The following COP1 variants were observed in gnomAD, a reference collection of about 807,000 sequenced individuals.
COP1 encodes the protein COP1 E3 ubiquitin ligase.
A neutral mutation model predicts 101.3 loss-of-function variants in COP1; 24 were observed. The ratio of observed to expected loss-of-function variants is 0.24; its 90% confidence interval spans 0.17 to 0.33. COP1 has a LOEUF of 0.33. COP1 is among the 10% of genes least tolerant of loss of function. COP1 has a pLI of 1.00. For missense variants in COP1, 663 were observed against 906.2 expected, an observed-to-expected ratio of 0.73 and a Z score of 3.45; for synonymous variants, 347 against 341.9, an observed-to-expected ratio of 1.01 and a Z score of -0.17.
At chr1:176,003,423 C>T (rs918798707) in intron 15 of COP1, among the ~76,000 whole-genome samples, 2 of 151,896 alleles carry the variant, frequency 1.3e-5, no homozygotes, top group African/African-American at 2.4e-5. Context: ...GAAGTCCTTG[C>T]CCATGCCTAT....
intron 9 of COP1, among the ~76,000 whole-genome samples, chr1:176,109,948 G>A (rs964035860): frequency 6.6e-6 from 1 of 152,064 alleles, no homozygotes; most frequent in African/African-American, 2.4e-5. Flanking sequence ...GACTATGAAT[G>A]TTTAGTACAA....
Position 176,045,012 on chromosome 1 carries a change from C to A in COP1, c.1421+1169G>T, listed in dbSNP as rs1671265754. Among the ~76,000 whole-genome samples the A allele has an allele frequency of 2.0e-5, 3 of 152,144 alleles. No individual in the cohort carries two copies. In the South Asian group the frequency reaches 6.2e-4, roughly 32 times the overall value. On this transcript the variant is annotated intron_variant, in intron 12 of 19. Coordinates refer to ENST00000367669, the MANE Select transcript of COP1 (RefSeq NM_022457.7). ...ATTAAATAAGTATTACTATTGTGAC[C>A]TCCATTTTATAAATAAGGAGCAGGA...
At chr1:176,189,286 C>A (rs904672728) in intron 1 of COP1, among the ~76,000 whole-genome samples, 1 of 151,946 alleles carries the variant, frequency 6.6e-6, no homozygotes, top group Non-Finnish European at 1.5e-5. Context: ...GCATTTATTT[C>A]TTTCAGTCCA....
chr1:176,070,125 ATC>A (rs368508535), intron 11 of COP1, among the ~76,000 whole-genome samples: 1 of 152,178 alleles, frequency 6.6e-6, no homozygotes, highest in East Asian at 1.9e-4. Flanking sequence ...CAGTATCCCC[ATC>A]TCTGTAAATG....
intron 11 of COP1, among the ~76,000 whole-genome samples, chr1:176,078,597 C>G (rs563659753): frequency 2.6e-4 from 38 of 146,518 alleles, no homozygotes; most frequent in African/African-American, 8.9e-4. Flanking sequence ...TAATTTATGG[C>G]TAAGTCTTCA....
chr1:175,966,563 T>C (rs1652064215), intron 18 of COP1, among the ~76,000 whole-genome samples: 1 of 152,136 alleles, frequency 6.6e-6, no homozygotes. Flanking sequence ...AATATACCAA[T>C]GCTGATCTGT....
chr1:176,037,119 T>C (rs1431058238), intron 14 of COP1, among the ~76,000 whole-genome samples: 1 of 152,096 alleles, frequency 6.6e-6, no homozygotes, highest in Non-Finnish European at 1.5e-5. Context: ...AACAAAAGAA[T>C]AGGCCAGGCG....
chr1:176,100,219 G>C, intron 9 of COP1: 1 of 222,794 alleles, frequency 4.5e-6, no homozygotes, highest in Non-Finnish European at 9.5e-6. Context: ...GTGAAACCCC[G>C]TCTTTACTAA....
At chr1:176,002,053 A>C (rs954705328) in intron 15 of COP1, among the ~76,000 whole-genome samples, 1 of 152,088 alleles carries the variant, frequency 6.6e-6, no homozygotes, top group Non-Finnish European at 1.5e-5. Flanking sequence ...CAAGAGTTTC[A>C]ATATGATGAG....
chr1:175,956,669 C>T (rs772510984), intron 18 of COP1, among the ~76,000 whole-genome samples: 9 of 152,120 alleles, frequency 5.9e-5, no homozygotes, highest in Non-Finnish European at 1.0e-4. Context: ...TCATGCACTG[C>T]ACAATGACAT....
intron 18 of COP1, among the ~76,000 whole-genome samples, chr1:175,966,309 A>G (rs992686006): frequency 2.0e-5 from 3 of 150,838 alleles, no homozygotes; most frequent in African/African-American, 7.3e-5. Flanking sequence ...ACACACACAC[A>G]CACACAAACA....
chr1:176,149,817 AAAT>A (rs1405036375), intron 5 of COP1, among the ~76,000 whole-genome samples: 1 of 152,100 alleles, frequency 6.6e-6, no homozygotes, highest in African/African-American at 2.4e-5. Context: ...AAAATATATA[AAAT>A]AATATCAAAA....
chr1:176,150,659 G>A (rs1692275165), intron 5 of COP1, among the ~76,000 whole-genome samples: 1 of 152,184 alleles, frequency 6.6e-6, no homozygotes, highest in South Asian at 2.1e-4. Flanking sequence ...AGTTAATAAA[G>A]TGACAGTTCA....
At chr1:176,191,394 AGAAT>A (rs938555960) in intron 1 of COP1, among the ~76,000 whole-genome samples, 1 of 152,084 alleles carries the variant, frequency 6.6e-6, no homozygotes, top group Admixed American at 6.6e-5. Flanking sequence ...TACAACTTCA[AGAAT>A]GAAAGACGCC....
At chr1:175,956,909 ATG>A (rs1233937595) in intron 18 of COP1, among the ~76,000 whole-genome samples, 2 of 152,316 alleles carry the variant, frequency 1.3e-5, no homozygotes, top group South Asian at 4.1e-4. Context: ...ATGGGACAAG[ATG>A]TAGAAGACAG....
chr1:176,068,019 A>T (rs1202688418), intron 11 of COP1, among the ~76,000 whole-genome samples: 1 of 152,144 alleles, frequency 6.6e-6, no homozygotes, highest in Non-Finnish European at 1.5e-5. Flanking sequence ...CCCATTTCAA[A>T]ATGTACCACT....
intron 18 of COP1, among the ~76,000 whole-genome samples, chr1:175,986,166 C>T (rs1372228345): frequency 6.6e-6 from 1 of 152,004 alleles, no homozygotes; most frequent in Non-Finnish European, 1.5e-5. Context: ...ACTACAGTCA[C>T]CCGCCACCAC....
chr1:176,189,169 A>T (rs1425282854), intron 1 of COP1, among the ~76,000 whole-genome samples: 1 of 152,174 alleles, frequency 6.6e-6, no homozygotes, highest in Non-Finnish European at 1.5e-5. Flanking sequence ...GAATAAAGAT[A>T]AAAACGGAAA....
At chr1:176,005,385 T>C (rs1357771537) in intron 15 of COP1, among the ~76,000 whole-genome samples, 1 of 152,338 alleles carries the variant, frequency 6.6e-6, no homozygotes, top group African/African-American at 2.4e-5. Flanking sequence ...ATTTTTTGCC[T>C]TCTGCTAGCT....
Sources: gnomAD v4.1 joint callset for allele counts (sites outside exome capture counted in the v4.1 genomes callset) on GRCh38, gnomAD v4.1.1 for gene constraint, MANE v1.5 for transcripts, NCBI Gene and HGNC (gene_info 2026-07-23, HGNC 2026-07-21) for gene names.